DNER: variants seen among roughly 807,000 people sequenced by gnomAD.
DNER encodes the protein delta and Notch-like epidermal growth factor-related receptor.
DNER carries 33 observed loss-of-function variants against 78.2 expected under a neutral mutation model. That is an observed-to-expected ratio of 0.42 (90% CI 0.32 to 0.56). The LOEUF is 0.56. DNER is among the 20% of genes least tolerant of loss of function. The pLI, the probability that DNER is intolerant of heterozygous loss-of-function variation, is 0.11. For missense variants in DNER, 918 were observed against 975.3 expected (o/e 0.94, Z 0.78); for synonymous variants, 417 against 384.8 (o/e 1.08, Z -0.98).
At chr2:229,462,989 C>T (rs1218159410) in intron 7 of DNER, among the ~76,000 whole-genome samples, 1 of 152,116 alleles carries the variant, frequency 6.6e-6, no homozygotes, top group African/African-American at 2.4e-5. Flanking sequence ...CTCTCCTGAT[C>T]GCCTCATCCT....
chr2:229,516,800 AAAAAG>A (rs1294247230), intron 5 of DNER, among the ~76,000 whole-genome samples: 29 of 131,260 alleles, frequency 2.2e-4, no homozygotes, highest in African/African-American at 3.1e-4. Flanking sequence ...AAAAAAAAAA[AAAAAG>A]AAAAGAAAAG....
chr2:229,534,193 C>CGTAACAGACCAATAGATTGTAAT (rs1400709956), intron 5 of DNER, among the ~76,000 whole-genome samples: 1 of 149,700 alleles, frequency 6.7e-6, no homozygotes, highest in Non-Finnish European at 1.5e-5. Context: ...TAGATTGTAA[C>CGTAACAGACCAATAGATTGTAAT]GTAACAGACC....
intron 3 of DNER, 140 bp from the exon 4 acceptor site, chr2:229,586,164 G>A (rs767377651): frequency 1.7e-4 from 175 of 1,047,380 alleles, no homozygotes; most frequent in African/African-American, 3.9e-4. Flanking sequence ...AAACAGATAC[G>A]CGGGCGTCCA....
chr2:229,655,497 C>T (rs1698897980), intron 1 of DNER, among the ~76,000 whole-genome samples: 1 of 152,056 alleles, frequency 6.6e-6, no homozygotes, highest in Admixed American at 6.6e-5. Flanking sequence ...AGTGCAGAGG[C>T]AAATACGACA....
intron 1 of DNER, among the ~76,000 whole-genome samples, chr2:229,673,920 G>A (rs946873769): frequency 1.3e-4 from 20 of 152,244 alleles, no homozygotes; most frequent in African/African-American, 4.8e-4. Flanking sequence ...CCAACAGAGT[G>A]CACTGGCCAG....
At chr2:229,403,260 C>T (rs1693307465) in intron 10 of DNER, among the ~76,000 whole-genome samples, 1 of 152,112 alleles carries the variant, frequency 6.6e-6, no homozygotes, top group Non-Finnish European at 1.5e-5. Context: ...CACCATACTC[C>T]TTGTATGGAA....
At chr2:229,473,054 T>C (rs1427886435) in intron 7 of DNER, among the ~76,000 whole-genome samples, 1 of 151,886 alleles carries the variant, frequency 6.6e-6, no homozygotes, top group Non-Finnish European at 1.5e-5. Context: ...CCAGGTCAGA[T>C]GGAAAAAGGT....
chr2:229,369,220 A>G (rs1206907255), intron 11 of DNER, among the ~76,000 whole-genome samples: 1 of 152,000 alleles, frequency 6.6e-6, no homozygotes. Flanking sequence ...AAAAAGTTAA[A>G]AAAAGGTTTT....
At chr2:229,582,268 G>C (rs1032213566) in intron 4 of DNER, among the ~76,000 whole-genome samples, 3 of 152,192 alleles carry the variant, frequency 2.0e-5, no homozygotes, top group African/African-American at 7.2e-5. Flanking sequence ...TGAGCATCAG[G>C]CTTCCGCAAA....
At chr2:229,586,340 T>G (rs1307632871) in intron 3 of DNER, among the ~76,000 whole-genome samples, 1 of 151,566 alleles carries the variant, frequency 6.6e-6, no homozygotes, top group Admixed American at 6.6e-5. Context: ...TGCTTAAATT[T>G]GTCATAAACG....
chr2:229,375,668 C>A (rs1328372268), intron 11 of DNER, among the ~76,000 whole-genome samples: 1 of 152,326 alleles, frequency 6.6e-6, no homozygotes, highest in South Asian at 2.1e-4. Flanking sequence ...TAATCACCAA[C>A]CAAAATCAAA....
At chr2:229,406,926 C>A (rs1412417981) in intron 10 of DNER, among the ~76,000 whole-genome samples, 1 of 152,166 alleles carries the variant, frequency 6.6e-6, no homozygotes, top group Non-Finnish European at 1.5e-5. Context: ...AACCCATCAC[C>A]TTTCTCAAGT....
At chr2:229,569,080 T>C (rs1697167388) in intron 4 of DNER, among the ~76,000 whole-genome samples, 1 of 152,226 alleles carries the variant, frequency 6.6e-6, no homozygotes, top group African/African-American at 2.4e-5. Flanking sequence ...TGTGCATCTC[T>C]GTATGTGTGT....
At chr2:229,367,144 C>T in intron 11 of DNER, 25 bp from the exon 12 acceptor site, 1 of 1,613,590 alleles carries the variant, frequency 6.2e-7, no homozygotes, top group East Asian at 2.2e-5. Context: ...AAGCAAATGG[C>T]TGGGTATGAG....
intron 1 of DNER, among the ~76,000 whole-genome samples, chr2:229,629,565 AC>A (rs1698400339): frequency 3.9e-5 from 6 of 152,158 alleles, no homozygotes; most frequent in Admixed American, 2.0e-4. Context: ...CTTGAGCAAT[AC>A]ATGGAGTCAA....
intron 5 of DNER, among the ~76,000 whole-genome samples, chr2:229,518,409 A>C (rs541585132): frequency 6.6e-6 from 1 of 152,370 alleles, no homozygotes; most frequent in African/African-American, 2.4e-5. Flanking sequence ...TATGTCAGAT[A>C]ACATCCTAGA....
At chr2:229,382,597 C>T (rs1020784366) in intron 11 of DNER, among the ~76,000 whole-genome samples, 2 of 151,754 alleles carry the variant, frequency 1.3e-5, no homozygotes, top group African/African-American at 2.4e-5. Flanking sequence ...CTGAAAAATA[C>T]AGCAAGAGAA....
rs186652324 is a variant in DNER at position 229,664,007 on chromosome 2, G to C, written c.276+50141C>G. Among the ~76,000 whole-genome samples, 305 of 152,196 alleles carry C rather than the reference G, an allele frequency of 2.0e-3. 1 individual carries two copies. The highest frequency in any genetic ancestry group is 2.9e-3 in the Non-Finnish European group (196 of 68,022). On this transcript the variant is annotated intron_variant, in intron 1 of 12. Coordinates refer to ENST00000341772, the MANE Select transcript of DNER (RefSeq NM_139072.4). ...CAGGATGAATCTGACATTCCAAAAA[G>C]GCCTTGAAATTAACTAACCTGGTCC... is the stretch of plus-strand genomic sequence containing the variant.
chr2:229,375,394 C>T (rs1462753799), intron 11 of DNER, among the ~76,000 whole-genome samples: 1 of 152,210 alleles, frequency 6.6e-6, no homozygotes, highest in East Asian at 1.9e-4. Flanking sequence ...AACAGCTCAA[C>T]TCACAGAATT....
Sources: allele counts gnomAD v4.1 joint callset (sites outside exome capture counted in the v4.1 genomes callset), GRCh38; gene constraint gnomAD v4.1.1; transcripts MANE v1.5; gene names NCBI Gene and HGNC (gene_info 2026-07-23, HGNC 2026-07-21).